Variants in RASGRP3 observed in about 807,000 individuals in gnomAD.
The protein encoded by RASGRP3 is ras guanyl-releasing protein 3.
A neutral mutation model predicts 82.7 loss-of-function variants in RASGRP3; 54 were observed. The observed-to-expected ratio is 0.65, with a 90% CI of 0.52 to 0.82. The LOEUF is 0.82. RASGRP3 is among the 40% of genes least tolerant of loss of function. RASGRP3 has a pLI of 0.00. For synonymous variants in RASGRP3, 309 were observed against 300.5 expected, an observed-to-expected ratio of 1.03 and a Z score of -0.29; for missense variants, 861 against 828.9, an observed-to-expected ratio of 1.04 and a Z score of -0.48.
intron 1 of RASGRP3, among the ~76,000 whole-genome samples, chr2:33,484,610 C>T (rs1574307770): frequency 6.6e-6 from 1 of 152,076 alleles, no homozygotes; most frequent in African/African-American, 2.4e-5. Context: ...ATCCATTTCT[C>T]TCCCCAGTCA....
At chr2:33,536,339 G>A (rs1545594) in intron 11 of RASGRP3, among the ~76,000 whole-genome samples, 6,090 of 134,072 alleles carry the variant, frequency 0.045, 178 homozygotes, top group South Asian at 0.1. Context: ...AAAAAAAAAC[G>A]ACAGAAAGAA....
At chr2:33,483,449 A>T (rs562908779) in intron 1 of RASGRP3, among the ~76,000 whole-genome samples, 1 of 151,862 alleles carries the variant, frequency 6.6e-6, no homozygotes, top group Non-Finnish European at 1.5e-5. Context: ...AAAAAAATTA[A>T]ATTCATATCT....
chr2:33,467,978 CTTTTTCTTTCTTTCTTTCTT>C lies in RASGRP3; in HGVS notation c.-261+20037_-261+20056del, dbSNP rs1451001473. The stretch of plus-strand genomic sequence containing the variant: ...CTGGTTTTTCTAATGGATGGTGAGG[CTTTTTCTTTCTTTCTTTCTT>C]TCTTTCTTTCTTTCTTTCTTTCTTT... On this transcript the variant is annotated intron_variant, in intron 2 of 18. Transcript: ENST00000402538. Among the ~76,000 whole-genome samples the C allele has an allele frequency of 9.9e-3, 1,389 of 140,916 alleles. 12 individuals are homozygous for C. Among genetic ancestry groups the C allele is most frequent in the South Asian group, 0.026 (110 of 4,298 alleles). The allele number at this position is 140,916 out of a possible 152,430, so 92.4% of individuals were successfully genotyped here. A position where few individuals can be genotyped will look rare whatever the true frequency, so the allele number is the denominator to read the frequency against.
At chr2:33,448,943 T>A (rs1164673627) in intron 2 of RASGRP3, among the ~76,000 whole-genome samples, 1 of 152,276 alleles carries the variant, frequency 6.6e-6, no homozygotes, top group Non-Finnish European at 1.5e-5. Flanking sequence ...GAACCAGATA[T>A]AACCTTACAT....
chr2:33,473,161 G>A (rs917648425), upstream of RASGRP3, among the ~76,000 whole-genome samples: 1 of 152,166 alleles, frequency 6.6e-6, no homozygotes, highest in African/African-American at 2.4e-5. Context: ...AGGAGATGGA[G>A]ACCATCCTGG....
At chr2:33,451,358 C>T (rs1224078797) in intron 2 of RASGRP3, among the ~76,000 whole-genome samples, 3 of 152,164 alleles carry the variant, frequency 2.0e-5, no homozygotes, top group East Asian at 1.9e-4. Context: ...TACCATCCCA[C>T]AGGCTGTCTC....
intron 2 of RASGRP3, among the ~76,000 whole-genome samples, chr2:33,457,557 TA>T (rs1176559280): frequency 9.2e-5 from 14 of 152,226 alleles, no homozygotes; most frequent in African/African-American, 3.4e-4. Flanking sequence ...CTCTTTTTTT[TA>T]GGTTCCTTCC....
chr2:33,485,450 G>A (rs1668289000), intron 1 of RASGRP3, among the ~76,000 whole-genome samples: 1 of 152,144 alleles, frequency 6.6e-6, no homozygotes, highest in South Asian at 2.1e-4. Flanking sequence ...GTGCTGCCCT[G>A]CATCTTTGGC....
chr2:33,484,559 C>G (rs972634378), intron 1 of RASGRP3, among the ~76,000 whole-genome samples: 2 of 151,698 alleles, frequency 1.3e-5, no homozygotes, highest in East Asian at 3.9e-4. Flanking sequence ...ATGGTAAGGA[C>G]AGCACCCAGT....
chr2:33,542,052 G>A (rs1674329197), intron 12 of RASGRP3, among the ~76,000 whole-genome samples: 1 of 146,712 alleles, frequency 6.8e-6, no homozygotes, highest in Non-Finnish European at 1.5e-5. Flanking sequence ...GCTGCAGTGA[G>A]CTATGATCAT....
intron 2 of RASGRP3, among the ~76,000 whole-genome samples, chr2:33,470,332 G>T (rs567668480): frequency 2.6e-5 from 4 of 151,534 alleles, no homozygotes; most frequent in Non-Finnish European, 5.9e-5. Flanking sequence ...TTTATTCCTA[G>T]AAATGTTATT....
intron 2 of RASGRP3, among the ~76,000 whole-genome samples, chr2:33,467,216 C>A (rs1666748641): frequency 6.6e-6 from 1 of 152,124 alleles, no homozygotes; most frequent in Admixed American, 6.5e-5. Flanking sequence ...AACACCGGCA[C>A]TATATTTTTT....
intron 1 of RASGRP3, chr2:33,481,217 A>C (rs892273668): frequency 1.3e-5 from 2 of 152,472 alleles, no homozygotes; most frequent in Non-Finnish European, 2.9e-5. Context: ...GCTGGAGTGC[A>C]GTGGCACGAT....
intron 2 of RASGRP3, among the ~76,000 whole-genome samples, chr2:33,452,257 T>C (rs556404165): frequency 4.6e-5 from 7 of 152,216 alleles, no homozygotes; most frequent in Non-Finnish European, 1.0e-4. Context: ...CTTAATTTTG[T>C]TGTTTGGTGG....
intron 1 of RASGRP3, among the ~76,000 whole-genome samples, chr2:33,503,260 A>G (rs902880120): frequency 6.6e-5 from 10 of 152,060 alleles, no homozygotes; most frequent in African/African-American, 2.4e-4. Flanking sequence ...TATTTATCTC[A>G]TGTCAGAGAT....
intron 1 of RASGRP3, among the ~76,000 whole-genome samples, chr2:33,445,184 G>T (rs925243455): frequency 3.9e-5 from 6 of 152,214 alleles, no homozygotes; most frequent in African/African-American, 9.6e-5. Context: ...TAGCTTCTGT[G>T]TGCTAAATAC....
intron 2 of RASGRP3, among the ~76,000 whole-genome samples, chr2:33,468,347 C>G (rs1381351244): frequency 2.0e-5 from 3 of 151,756 alleles, no homozygotes; most frequent in African/African-American, 7.3e-5. Flanking sequence ...ACTTTTGTAA[C>G]TTTTATATCT....
chr2:33,563,523 TTAA>T lies in RASGRP3; in HGVS notation c.*787_*789del, dbSNP rs1676923706. The T allele has an allele frequency of 6.6e-6, 1 of 152,228 alleles. No homozygotes were observed. Among genetic ancestry groups the T allele is most frequent in the Admixed American group, 6.5e-5 (1 of 15,282 alleles). The allele number at this position is 152,228 out of a possible 1,614,324, so 9.4% of individuals were successfully genotyped here. On this transcript the variant is annotated 3_prime_UTR_variant, in exon 18 of 18. Coordinates refer to ENST00000403687, the MANE Select transcript of RASGRP3 (RefSeq NM_001139488.2). ...ATTATGCTTGTCCCTTCTGACTGGGTTAAGCCATCTTTCTTAAGATTCCTGAAG... is the reference window on the plus strand; with the variant it reads ...ATTATGCTTGTCCCTTCTGACTGGGTGCCATCTTTCTTAAGATTCCTGAAG...
chr2:33,524,380 G>C, intron 8 of RASGRP3, 52 bp from the exon 9 acceptor site: 1 of 1,225,244 alleles, frequency 8.2e-7, no homozygotes, highest in Non-Finnish European at 1.2e-6. Flanking sequence ...AATTCAGAAA[G>C]TTTAGAATAA....
Sources: gnomAD v4.1 joint callset for allele counts (sites outside exome capture counted in the v4.1 genomes callset) on GRCh38, gnomAD v4.1.1 for gene constraint, MANE v1.5 for transcripts, NCBI Gene and HGNC (gene_info 2026-07-23, HGNC 2026-07-21) for gene names.